Variants in MYT1L observed in about 807,000 individuals in gnomAD.
The protein encoded by MYT1L is myelin transcription factor 1 like, also known as myelin transcription factor 1-like protein.
In MYT1L, 12 loss-of-function variants were observed where a neutral mutation model predicts 126.7. The observed-to-expected ratio is 0.09, with a 90% confidence interval of 0.06 to 0.15. The LOEUF (loss-of-function observed/expected upper bound fraction) is 0.15. Among genes scored for constraint, MYT1L ranks in the 10% least tolerant of loss-of-function variants. The pLI is 1.00. For synonymous variants in MYT1L, 541 were observed against 604.2 expected, an observed-to-expected ratio of 0.90 and a Z score of 1.53; for missense variants, 979 against 1,585.2, an observed-to-expected ratio of 0.62 and a Z score of 6.49.
At chr2:2,077,429 T>C (rs1445269632) in intron 3 of MYT1L, among the ~76,000 whole-genome samples, 1 of 152,036 alleles carries the variant, frequency 6.6e-6, no homozygotes, top group African/African-American at 2.4e-5. Flanking sequence ...AAGGCAAAAA[T>C]TTTTTTTGAA....
intron 4 of MYT1L, among the ~76,000 whole-genome samples, chr2:2,022,582 T>C (rs2065143689): frequency 6.6e-6 from 1 of 152,038 alleles, no homozygotes; most frequent in Non-Finnish European, 1.5e-5. Context: ...GATAACACCC[T>C]AAGTCAAAGG....
At position 1,852,919 on chromosome 2, in the gene MYT1L, T is replaced by C. The variant is rs1297354853; in HGVS notation, c.2712-1216A>G. Among the ~76,000 whole-genome samples the C allele has an allele frequency of 6.6e-6, 1 of 152,224 alleles. No homozygotes were observed. The highest frequency in any genetic ancestry group is 2.4e-5 in the African/African-American group (1 of 41,464). On this transcript the variant is annotated intron_variant, in intron 18 of 24. Transcript: ENST00000647738. This position sits in a 1 kb window ranked among gnomAD's most constrained non-coding sequence, Gnocchi z 4.0. ...CAGAAAGTCACTATGGATAGGGTAC[T>C]GGGGGCTGAGACCAGGACGGCAAAG...
intron 8 of MYT1L, among the ~76,000 whole-genome samples, chr2:1,963,043 T>C (rs1284798102): frequency 6.6e-6 from 1 of 152,230 alleles, no homozygotes; most frequent in Non-Finnish European, 1.5e-5. Flanking sequence ...TCACTCTCTA[T>C]GGCAGATGTA....
chr2:2,257,187 C>A (rs1236674940), intron 2 of MYT1L, among the ~76,000 whole-genome samples: 1 of 152,094 alleles, frequency 6.6e-6, no homozygotes, highest in Non-Finnish European at 1.5e-5. Context: ...AGAGAATAAT[C>A]GCCATTCCCG....
intron 1 of MYT1L, among the ~76,000 whole-genome samples, chr2:2,294,133 C>T (rs1165974899): frequency 3.3e-5 from 5 of 152,176 alleles, no homozygotes; most frequent in Admixed American, 3.3e-4. Flanking sequence ...ACAGCTCAGA[C>T]CCTGAGGAAT....
chr2:1,953,169 C>G (rs2058042017), intron 8 of MYT1L, among the ~76,000 whole-genome samples: 1 of 152,016 alleles, frequency 6.6e-6, no homozygotes, highest in African/African-American at 2.4e-5. Context: ...TGCCATGTTG[C>G]CTAGGCTGGT....
chr2:2,027,820 C>T (rs1304019507), intron 4 of MYT1L, among the ~76,000 whole-genome samples: 2 of 69,784 alleles, frequency 2.9e-5, no homozygotes, highest in Non-Finnish European at 5.6e-5. Flanking sequence ...CTTGATGTGG[C>T]GTGGCCCAAT....
intron 3 of MYT1L, among the ~76,000 whole-genome samples, chr2:2,135,004 A>C (rs182062535): frequency 6.6e-6 from 1 of 152,078 alleles, no homozygotes; most frequent in African/African-American, 2.4e-5. Context: ...GGTCCTGGCT[A>C]TTTCTATCTA....
intron 2 of MYT1L, among the ~76,000 whole-genome samples, chr2:2,239,402 G>T (rs1207602434): frequency 6.6e-6 from 1 of 152,220 alleles, no homozygotes; most frequent in East Asian, 1.9e-4. Flanking sequence ...AGTGCACATG[G>T]GTGGCAGGTA....
intron 3 of MYT1L, among the ~76,000 whole-genome samples, chr2:2,132,856 T>C (rs1441746396): frequency 1.3e-5 from 2 of 152,158 alleles, no homozygotes; most frequent in African/African-American, 4.8e-5. Flanking sequence ...ATCTATGGAA[T>C]CAGAAATGCT....
chr2:1,860,709 G>T (rs189382534), intron 18 of MYT1L, among the ~76,000 whole-genome samples: 2 of 152,160 alleles, frequency 1.3e-5, no homozygotes, highest in Non-Finnish European at 2.9e-5. Context: ...TTATTAGATG[G>T]TCTGGAGATG....
chr2:2,047,231 G>GGACCTAATTATGCTAA (rs2068293132), intron 4 of MYT1L, among the ~76,000 whole-genome samples: 1 of 152,082 alleles, frequency 6.6e-6, no homozygotes, highest in Non-Finnish European at 1.5e-5. Context: ...TAAGTTTAAT[G>GGACCTAATTATGCTAA]TCTTACATGG....
At chr2:1,964,950 G>C (rs2059224389) in intron 8 of MYT1L, among the ~76,000 whole-genome samples, 1 of 152,204 alleles carries the variant, frequency 6.6e-6, no homozygotes, top group Non-Finnish European at 1.5e-5. Context: ...CACTCACCAA[G>C]CAATCCTCAC....
intron 21 of MYT1L, among the ~76,000 whole-genome samples, chr2:1,812,549 G>A (rs969435061): frequency 1.3e-5 from 2 of 152,172 alleles, no homozygotes; most frequent in African/African-American, 4.8e-5. Context: ...CCTCAAAGAG[G>A]CCTGCGGCAG....
At chr2:1,964,203 T>G (rs34636111) in intron 8 of MYT1L, among the ~76,000 whole-genome samples, 1 of 152,078 alleles carries the variant, frequency 6.6e-6, no homozygotes, top group Non-Finnish European at 1.5e-5. Flanking sequence ...GCAGAGCAGT[T>G]GGAACACACA....
At chr2:2,165,787 AT>A (rs1315971311) in intron 3 of MYT1L, among the ~76,000 whole-genome samples, 1 of 151,930 alleles carries the variant, frequency 6.6e-6, no homozygotes, top group Non-Finnish European at 1.5e-5. Flanking sequence ...GAAGAAGTAA[AT>A]AAGTAATAAT....
chr2:1,799,682 A>G (rs538707857), intron 23 of MYT1L, among the ~76,000 whole-genome samples: 1 of 152,330 alleles, frequency 6.6e-6, no homozygotes, highest in South Asian at 2.1e-4. Flanking sequence ...GAAATAAATT[A>G]AGATTTTCAG....
At chr2:2,027,144 G>A (rs1337942197) in intron 4 of MYT1L, among the ~76,000 whole-genome samples, 1 of 152,156 alleles carries the variant, frequency 6.6e-6, no homozygotes, top group African/African-American at 2.4e-5. Flanking sequence ...AGACTGAGCC[G>A]CCCCTGAGAG....
intron 3 of MYT1L, among the ~76,000 whole-genome samples, chr2:2,102,559 C>T (rs545715155): frequency 6.6e-6 from 1 of 151,904 alleles, no homozygotes. Context: ...GTCTGCTACA[C>T]CGTTCTACTG....
Sources: allele counts gnomAD v4.1 joint callset (sites outside exome capture counted in the v4.1 genomes callset), GRCh38; gene constraint gnomAD v4.1.1; non-coding constraint Gnocchi (gnomAD v3.1); transcripts MANE v1.5; gene names NCBI Gene and HGNC (gene_info 2026-07-23, HGNC 2026-07-21).